The following LRRFIP2 variants were observed in gnomAD, a reference collection of about 807,000 sequenced individuals.
The protein encoded by LRRFIP2 is leucine-rich repeat flightless-interacting protein 2.
In LRRFIP2, 109 loss-of-function variants were observed where a neutral mutation model predicts 125.9. The observed-to-expected ratio is 0.87, with a 90% CI of 0.74 to 1.01. The LOEUF (loss-of-function observed/expected upper bound fraction) is 1.01. Ranked by LOEUF, LRRFIP2 falls within the 50% of genes least tolerant of loss-of-function variation. The probability of loss-of-function intolerance (pLI) is 0.00; values close to 1 mark genes in which losing one functional copy is unlikely to be tolerated. For missense variants in LRRFIP2, 850 were observed against 862.3 expected, an observed-to-expected ratio of 0.99 and a Z score of 0.18; for synonymous variants, 291 against 293.1, an observed-to-expected ratio of 0.99 and a Z score of 0.07.
At chr3:37,150,965 C>G (rs955425506) in intron 1 of LRRFIP2, among the ~76,000 whole-genome samples, 6 of 152,160 alleles carry the variant, frequency 3.9e-5, no homozygotes, top group African/African-American at 1.4e-4. Flanking sequence ...TCAGAGCTAG[C>G]TTGTTATTCT....
At chr3:37,167,625 G>T (rs1051561183) in intron 1 of LRRFIP2, among the ~76,000 whole-genome samples, 22 of 146,752 alleles carry the variant, frequency 1.5e-4, no homozygotes, top group Non-Finnish European at 3.0e-4. Flanking sequence ...CTGCACTCTA[G>T]CCTAGGCAAC....
intron 4 of LRRFIP2, among the ~76,000 whole-genome samples, chr3:37,125,824 A>G (rs2149627956): frequency 6.6e-6 from 1 of 152,330 alleles, no homozygotes; most frequent in East Asian, 1.9e-4. Flanking sequence ...ATTTTACTAT[A>G]AACATTAGCC....
chr3:37,148,195 A>G (rs1341875902), intron 2 of LRRFIP2, among the ~76,000 whole-genome samples: 1 of 152,236 alleles, frequency 6.6e-6, no homozygotes, highest in Admixed American at 6.5e-5. Flanking sequence ...CATTATAACA[A>G]GTACATGGAA....
At chr3:37,065,577 T>G (rs745529874) in intron 23 of LRRFIP2, 1 of 665,822 alleles carries the variant, frequency 1.5e-6, no homozygotes, top group South Asian at 1.5e-5. Flanking sequence ...CCATAGTACT[T>G]CCATCCACAG....
chr3:37,114,889 A>G (rs2094709883), intron 7 of LRRFIP2, among the ~76,000 whole-genome samples, 165 bp downstream of exon 7: 1 of 152,136 alleles, frequency 6.6e-6, no homozygotes, highest in African/African-American at 2.4e-5. Context: ...AAAAATTACT[A>G]TTCATGCCAC....
chr3:37,163,522 G>A (rs1320549546), intron 1 of LRRFIP2, among the ~76,000 whole-genome samples: 1 of 152,178 alleles, frequency 6.6e-6, no homozygotes, highest in African/African-American at 2.4e-5. Context: ...CCCAGTGGGT[G>A]GCAGAATCAC....
rs1560166054 is a variant in LRRFIP2 at position 37,165,800 on chromosome 3, AG to A, written c.-56+8738del. On this transcript the variant is annotated intron_variant, in intron 1 of 27. Coordinates refer to ENST00000336686, the MANE Select transcript of LRRFIP2 (RefSeq NM_006309.4). The stretch of plus-strand genomic sequence containing the variant: ...GAAAAGAAAAGAGAAAGAAAGAGAA[AG>A]AAAGAAAGAAAGAAAGAAAGAAAGA... Among the ~76,000 whole-genome samples, 273 of 40,152 alleles carry A rather than the reference AG, an allele frequency of 6.8e-3. 2 individuals are homozygous for A. Among genetic ancestry groups the A allele is most frequent in the African/African-American group, 0.016 (246 of 15,188 alleles). The allele number at this position is 40,152 out of a possible 152,430, so 26.3% of individuals were successfully genotyped here. A position where few individuals can be genotyped will look rare whatever the true frequency, so the allele number is the denominator to read the frequency against.
At chr3:37,103,348 C>T (rs1364629355) in intron 14 of LRRFIP2, among the ~76,000 whole-genome samples, 2 of 152,072 alleles carry the variant, frequency 1.3e-5, no homozygotes, top group Non-Finnish European at 2.9e-5. Context: ...TCAGTATATA[C>T]CTCTACTATA....
At chr3:37,150,588 C>T (rs1189328595) in intron 1 of LRRFIP2, among the ~76,000 whole-genome samples, 1 of 152,118 alleles carries the variant, frequency 6.6e-6, no homozygotes, top group South Asian at 2.1e-4. Context: ...GACCATCTAA[C>T]CTTTGGTTAG....
At chr3:37,055,872 GT>G (rs2086697735) in intron 25 of LRRFIP2, among the ~76,000 whole-genome samples, 1 of 152,084 alleles carries the variant, frequency 6.6e-6, no homozygotes, top group Admixed American at 6.5e-5. Context: ...CATCTCCCAG[GT>G]TTTGCTTCTG....
At chr3:37,150,131 A>C (rs1443798528) in intron 1 of LRRFIP2, among the ~76,000 whole-genome samples, 1 of 152,214 alleles carries the variant, frequency 6.6e-6, no homozygotes, top group Non-Finnish European at 1.5e-5. Flanking sequence ...GGAGGTGCTA[A>C]AGGTACGGTG....
intron 15 of LRRFIP2, among the ~76,000 whole-genome samples, chr3:37,096,919 G>A (rs184971561): frequency 1.3e-5 from 2 of 151,970 alleles, no homozygotes; most frequent in East Asian, 3.9e-4. Context: ...TTCTGTTTAA[G>A]GTATTTAAAA....
Position 37,065,958 on chromosome 3 carries a change from A to T in LRRFIP2, c.1567-16T>A. The T allele has an allele frequency of 6.2e-7, 1 of 1,613,870 alleles. No homozygotes were observed. Among genetic ancestry groups the T allele is most frequent in the Non-Finnish European group, 8.5e-7 (1 of 1,179,918 alleles). On this transcript the variant is annotated splice_polypyrimidine_tract_variant and intron_variant, in intron 22 of 27. Transcript: ENST00000336686. ...AGCCATGTTTCTGCAGGGGGGAAAA[A>T]CCCACCATCACAAAAGGCCCGTATG...
intron 18 of LRRFIP2, 116 bp downstream of exon 18, chr3:37,091,351 A>G: frequency 1.5e-6 from 1 of 666,698 alleles, no homozygotes; most frequent in South Asian, 2.7e-5. Flanking sequence ...CACATGCTTG[A>G]AAGACAAACA....
Position 37,053,504 on chromosome 3 carries a change from T to C in LRRFIP2, c.*347A>G, listed in dbSNP as rs1299450880. 3.1e-5 allele frequency: 8 copies of C among 254,494 alleles called. No individual in the cohort carries two copies. Among genetic ancestry groups the C allele is most frequent in the Admixed American group, 5.0e-5 (1 of 20,178 alleles). The allele number at this position is 254,494 out of a possible 1,614,324, so 15.8% of individuals were successfully genotyped here. A position where few individuals can be genotyped will look rare whatever the true frequency, so the allele number is the denominator to read the frequency against. ...CAGCAAGTATCTCAGTGAGCACTCA[T>C]AGAATTGCTGTCTGTCCTCCAGAAC... is the stretch of plus-strand genomic sequence containing the variant. On this transcript the variant is annotated 3_prime_UTR_variant, in exon 28 of 28. Transcript: ENST00000336686.
Position 37,094,806 on chromosome 3 carries a change from A to C in LRRFIP2, c.1021T>G (p.Leu341Val). ...TSSLIDPDTS[L>V]SELRDIYDLK... ...CTTCAGTTTACCCGCAATTCACTTAATGAAGTGTCTGGATCTATTAAGCTG... is the reference window on the plus strand; with the variant it reads ...CTTCAGTTTACCCGCAATTCACTTACTGAAGTGTCTGGATCTATTAAGCTG... Residue 341 changes from leucine to valine, a missense_variant, in exon 17 of 28, where the codon TTA becomes GTA. Leu to Val is a conservative substitution (Grantham distance 32). Transcript: ENST00000336686. The C allele has an allele frequency of 6.2e-7, 1 of 1,612,728 alleles. No homozygotes were observed. Among genetic ancestry groups the C allele is most frequent in the Non-Finnish European group, 8.5e-7 (1 of 1,178,844 alleles).
rs2086218910 is a variant in LRRFIP2, at chr3:37,054,408, T to C, written c.2055+3A>G. 1.2e-6 allele frequency: 2 copies of C among 1,604,330 alleles called. No individual in the cohort carries two copies. The highest frequency in any genetic ancestry group is 1.7e-6 in the Non-Finnish European group (2 of 1,171,958). ...TCTCCAAGAAACATATTAAAAGAAG[T>C]ACCTCTCGTTGTAGCTTCCGTTTTT... On this transcript the variant is annotated splice_donor_region_variant and intron_variant, in intron 27 of 27. Coordinates refer to ENST00000336686, the MANE Select transcript of LRRFIP2 (RefSeq NM_006309.4).
intron 9 of LRRFIP2, among the ~76,000 whole-genome samples, chr3:37,110,755 C>T (rs561205400): frequency 1.2e-4 from 18 of 152,122 alleles, no homozygotes; most frequent in African/African-American, 4.3e-4. Flanking sequence ...TTTTTTTGTA[C>T]ATTTAAACAT....
chr3:37,115,516 T>G (rs924254166), intron 6 of LRRFIP2, among the ~76,000 whole-genome samples: 1 of 152,180 alleles, frequency 6.6e-6, no homozygotes, highest in Non-Finnish European at 1.5e-5. Context: ...AAGCAAAGGA[T>G]GAACAGGCAA....
Sources: gnomAD v4.1 joint callset for allele counts (sites outside exome capture counted in the v4.1 genomes callset) on GRCh38, gnomAD v4.1.1 for gene constraint, MANE v1.5 for transcripts, NCBI Gene and HGNC (gene_info 2026-07-23, HGNC 2026-07-21) for gene names.